Variants in ARHGAP39 observed in about 807,000 individuals in gnomAD.
The protein encoded by ARHGAP39 is Rho GTPase activating protein 39, also known as rho GTPase-activating protein 39.
A neutral mutation model predicts 106.9 loss-of-function variants in ARHGAP39; 44 were observed. The observed-to-expected ratio is 0.41, with a 90% confidence interval of 0.32 to 0.53. The LOEUF (loss-of-function observed/expected upper bound fraction) is 0.53. Among genes scored for constraint, ARHGAP39 ranks in the 20% least tolerant of loss-of-function variants. The probability of loss-of-function intolerance (pLI) is 0.21; values close to 1 mark genes in which losing one functional copy is unlikely to be tolerated. For synonymous variants in ARHGAP39, 768 were observed against 693.2 expected, an observed-to-expected ratio of 1.11 and a Z score of -1.69; for missense variants, 1,496 against 1,577.3, an observed-to-expected ratio of 0.95 and a Z score of 0.87.
intron 1 of ARHGAP39, among the ~76,000 whole-genome samples, chr8:144,612,943 G>A (rs1444423973): frequency 2.0e-5 from 3 of 152,248 alleles, no homozygotes; most frequent in African/African-American, 7.2e-5. Flanking sequence ...TGTTCTATCT[G>A]TTCTCTTTTC....
At chr8:144,611,615 G>A (rs1360684955) in intron 1 of ARHGAP39, among the ~76,000 whole-genome samples, 2 of 152,158 alleles carry the variant, frequency 1.3e-5, no homozygotes, top group Non-Finnish European at 2.9e-5. Flanking sequence ...CCTTTGCTCT[G>A]AAATCAGTAC....
chr8:144,566,965 G>A (rs1218042479), intron 3 of ARHGAP39, among the ~76,000 whole-genome samples: 1 of 151,842 alleles, frequency 6.6e-6, no homozygotes, highest in East Asian at 1.9e-4. Flanking sequence ...ATGCAAGCCA[G>A]AAGACAATGA....
intron 3 of ARHGAP39, among the ~76,000 whole-genome samples, chr8:144,577,063 T>G (rs4925811): frequency 0.39 from 59,746 of 152,100 alleles, 13,595 homozygotes; most frequent in South Asian, 0.59. Context: ...CCTTAACCTC[T>G]ACAACAGTCT....
intron 1 of ARHGAP39, among the ~76,000 whole-genome samples, chr8:144,640,960 A>G (rs1285406908): frequency 1.3e-5 from 2 of 152,208 alleles, no homozygotes; most frequent in Non-Finnish European, 2.9e-5. Context: ...ACCCTAGTAC[A>G]TAGAAATCAA....
intron 2 of ARHGAP39, among the ~76,000 whole-genome samples, chr8:144,603,086 TGTGC>T (rs369272973): frequency 1.1e-3 from 163 of 145,844 alleles, no homozygotes; most frequent in African/African-American, 4.0e-3. Flanking sequence ...CGTGGAGGTG[TGTGC>T]GCGAGCTCAT....
chr8:144,602,615 CCT>C (rs1203254538), intron 2 of ARHGAP39, among the ~76,000 whole-genome samples: 1 of 60,714 alleles, frequency 1.6e-5, no homozygotes, highest in African/African-American at 6.4e-5. Context: ...AGCTCATGTA[CCT>C]GTGTGTGCGT....
At chr8:144,534,775 C>G (rs1816886636) in intron 7 of ARHGAP39, among the ~76,000 whole-genome samples, 1 of 152,226 alleles carries the variant, frequency 6.6e-6, no homozygotes, top group Non-Finnish European at 1.5e-5. Flanking sequence ...GGCCCAGTCT[C>G]CTTTCTCAAA....
At chr8:144,578,578 T>C (rs1203629858) in intron 3 of ARHGAP39, among the ~76,000 whole-genome samples, 3 of 152,204 alleles carry the variant, frequency 2.0e-5, no homozygotes, top group Admixed American at 2.0e-4. Context: ...TCATGTACTT[T>C]GGCTCATGTC....
At chr8:144,557,186 G>C (rs77612483) in intron 3 of ARHGAP39, among the ~76,000 whole-genome samples, 25 of 115,514 alleles carry the variant, frequency 2.2e-4, no homozygotes, top group East Asian at 4.9e-4. Flanking sequence ...AGAGGCAAAG[G>C]CTGAACCTTC....
At chr8:144,578,101 G>A (rs1449840449) in intron 3 of ARHGAP39, among the ~76,000 whole-genome samples, 1 of 152,124 alleles carries the variant, frequency 6.6e-6, no homozygotes, top group Non-Finnish European at 1.5e-5. Flanking sequence ...AAAGCTGGAA[G>A]ACTCACACTT....
intron 1 of ARHGAP39, among the ~76,000 whole-genome samples, chr8:144,620,835 G>A (rs929178135): frequency 1.4e-4 from 21 of 152,374 alleles, no homozygotes; most frequent in Admixed American, 1.3e-3. Context: ...GTACAGAAGA[G>A]GGGCCGTGAG....
Position 144,641,710 on chromosome 8 carries a change from C to T in ARHGAP39, c.-81-36015G>A, listed in dbSNP as rs538501675. On this transcript the variant is annotated intron_variant, in intron 1 of 11. Transcript: ENST00000377307. The surrounding 1 kb of genome is among the most constrained non-coding windows in gnomAD (Gnocchi z 5.2). ...AGGAGGGGAGCTCGGGAAGAAGAAA[C>T]GCAGACCCAGGATGCACCCAAGCTC... Among the ~76,000 whole-genome samples the T allele has an allele frequency of 1.6e-3, 246 of 152,358 alleles. 3 individuals are homozygous for T. The highest frequency in any genetic ancestry group is 3.7e-4 in the Non-Finnish European group (25 of 68,038).
At chr8:144,574,473 A>T (rs868700829) in intron 3 of ARHGAP39, among the ~76,000 whole-genome samples, 26 of 152,156 alleles carry the variant, frequency 1.7e-4, no homozygotes, top group Admixed American at 3.3e-4. Context: ...GATCGAGACC[A>T]TCCTGGCTAA....
At chr8:144,663,059 C>T (rs1336724313) in intron 1 of ARHGAP39, among the ~76,000 whole-genome samples, 1 of 148,536 alleles carries the variant, frequency 6.7e-6, no homozygotes, top group African/African-American at 2.5e-5. Context: ...TGGGTCACTC[C>T]CCACCCCCCA....
intron 3 of ARHGAP39, 141 bp downstream of exon 3, chr8:144,580,705 C>T: frequency 9.1e-7 from 1 of 1,093,480 alleles, no homozygotes; most frequent in Non-Finnish European, 1.3e-6. Context: ...CCATACCCGA[C>T]CTACTCCTAA....
rs1819194334 is a variant in ARHGAP39 at position 144,586,614 on chromosome 8, C to T, written c.81-5337G>A. The T allele has an allele frequency of 6.6e-6, 1 of 152,314 alleles. No individual in the cohort carries two copies. Among genetic ancestry groups the T allele is most frequent in the South Asian group, 2.1e-4 (1 of 4,828 alleles). The allele number at this position is 152,314 out of a possible 1,614,324, so 9.4% of individuals were successfully genotyped here. On this transcript the variant is annotated intron_variant, in intron 2 of 11. Coordinates refer to ENST00000377307, the MANE Select transcript of ARHGAP39 (RefSeq NM_025251.3). This position sits in a 1 kb window ranked among gnomAD's most constrained non-coding sequence, Gnocchi z 4.2. ...GTGTGACTCCTTCACAGACACTGGG[C>T]TTCAATCTGGGGCAGTGGCCAGAAA... is the stretch of plus-strand genomic sequence containing the variant.
chr8:144,599,508 G>C (rs1586595868), intron 2 of ARHGAP39, among the ~76,000 whole-genome samples: 1 of 152,338 alleles, frequency 6.6e-6, no homozygotes, highest in South Asian at 2.1e-4. Flanking sequence ...CAGAAAACAA[G>C]AGAGTTTCTG....
rs1284708681 is a variant in ARHGAP39, at chr8:144,670,513, T to C, written c.-82+15173A>G. 6.6e-6 allele frequency among the ~76,000 whole-genome samples: 1 copy of C among 152,182 alleles called. No homozygotes were observed. The highest frequency in any genetic ancestry group is 1.5e-5 in the Non-Finnish European group (1 of 68,042). On this transcript the variant is annotated intron_variant, in intron 1 of 11. Transcript: ENST00000377307. This position sits in a 1 kb window ranked among gnomAD's most constrained non-coding sequence, Gnocchi z 4.4. Reference sequence around the variant, plus strand: ...TTGATGTGCTCCGGACATAAAAGCCTGGGCAAGGCTTCAAGAAGACTATTT... The same window carrying C: ...TTGATGTGCTCCGGACATAAAAGCCCGGGCAAGGCTTCAAGAAGACTATTT...
Position 144,530,155 on chromosome 8 carries a change from C to T in ARHGAP39, c.*267G>A. ...ACAGAAGGCACTTTCTCGGAGCTGA[C>T]CCGCGGCCAGCGGAGGGCGAGGCGG... On this transcript the variant is annotated 3_prime_UTR_variant, in exon 12 of 12. Transcript: ENST00000377307. The T allele has an allele frequency of 3.9e-6, 2 of 511,138 alleles. No individual in the cohort carries two copies. Among genetic ancestry groups the T allele is most frequent in the South Asian group, 5.1e-5 (2 of 39,542 alleles). The allele number at this position is 511,138 out of a possible 1,614,324, so 31.7% of individuals were successfully genotyped here.
Sources: allele counts gnomAD v4.1 joint callset (sites outside exome capture counted in the v4.1 genomes callset), GRCh38; gene constraint gnomAD v4.1.1; non-coding constraint Gnocchi (gnomAD v3.1); transcripts MANE v1.5; gene names NCBI Gene and HGNC (gene_info 2026-07-23, HGNC 2026-07-21).